The following PTPRM variants were observed in gnomAD, a reference collection of about 807,000 sequenced individuals.
PTPRM encodes the protein protein tyrosine phosphatase receptor type M.
Under a neutral mutation model 186.7 loss-of-function variants are expected in PTPRM, and 47 were observed. The ratio of observed to expected loss-of-function variants is 0.25; its 90% CI spans 0.20 to 0.32. The LOEUF (loss-of-function observed/expected upper bound fraction) is 0.32, where lower values mean the gene tolerates loss of function less well. Among genes scored for constraint, PTPRM ranks in the 10% least tolerant of loss-of-function variants. The pLI is 1.00. For missense variants in PTPRM, 1,494 were observed against 1,865.0 expected (o/e 0.80, Z 3.66); for synonymous variants, 668 against 674.9 (o/e 0.99, Z 0.16).
At chr18:8,005,683 C>G (rs1021269618) in intron 7 of PTPRM, among the ~76,000 whole-genome samples, 1 of 152,126 alleles carries the variant, frequency 6.6e-6, no homozygotes, top group African/African-American at 2.4e-5. Flanking sequence ...CAGGGGTGAC[C>G]TCCCCTGTCC....
At chr18:8,048,082 T>C (rs756609632) in intron 7 of PTPRM, among the ~76,000 whole-genome samples, 30 of 152,138 alleles carry the variant, frequency 2.0e-4, no homozygotes, top group Non-Finnish European at 3.5e-4. Flanking sequence ...AATCAGCAAA[T>C]TGAGCTTACT....
At chr18:7,795,409 T>G (rs1234514063) in intron 2 of PTPRM, among the ~76,000 whole-genome samples, 1 of 152,140 alleles carries the variant, frequency 6.6e-6, no homozygotes. Context: ...CTCAGGGTTC[T>G]TCTCTTTCTT....
chr18:8,282,110 G>A (rs2094910225), intron 19 of PTPRM, among the ~76,000 whole-genome samples: 1 of 152,030 alleles, frequency 6.6e-6, no homozygotes, highest in African/African-American at 2.4e-5. Flanking sequence ...TAGAAAATGG[G>A]CAAAGACATG....
chr18:7,834,961 C>T (rs1813827286), intron 2 of PTPRM, among the ~76,000 whole-genome samples: 1 of 141,280 alleles, frequency 7.1e-6, no homozygotes, highest in Non-Finnish European at 1.5e-5. Flanking sequence ...GTAATGTCTC[C>T]TTTTTCATGT....
chr18:7,672,458 A>G (rs1340861970), intron 1 of PTPRM, among the ~76,000 whole-genome samples: 1 of 152,204 alleles, frequency 6.6e-6, no homozygotes, highest in Non-Finnish European at 1.5e-5. Flanking sequence ...GGTTTTACTC[A>G]ATTTTTATAC....
At chr18:7,938,866 A>G (rs1346145507) in intron 5 of PTPRM, among the ~76,000 whole-genome samples, 1 of 152,210 alleles carries the variant, frequency 6.6e-6, no homozygotes. Context: ...TAGCCAACTT[A>G]ACGTGTGCTT....
chr18:8,268,859 T>C (rs1284660957), intron 19 of PTPRM, among the ~76,000 whole-genome samples: 7 of 152,028 alleles, frequency 4.6e-5, no homozygotes, highest in Admixed American at 3.9e-4. Context: ...AAAAGGCATT[T>C]CTCAAAATTC....
chr18:7,729,529 A>C (rs2040614925), intron 1 of PTPRM, among the ~76,000 whole-genome samples: 1 of 131,230 alleles, frequency 7.6e-6, no homozygotes. Flanking sequence ...AATAAGGCTG[A>C]AAAAAAAACA....
At chr18:8,127,419 T>TTTG (rs2092397412) in intron 13 of PTPRM, among the ~76,000 whole-genome samples, 1 of 10,510 alleles carries the variant, frequency 9.5e-5, no homozygotes, top group Non-Finnish European at 3.6e-4. Context: ...AGCTGTATTG[T>TTTG]TTTTTTTTTT....
At chr18:7,764,810 A>G (rs1226312515) in intron 1 of PTPRM, among the ~76,000 whole-genome samples, 1 of 152,228 alleles carries the variant, frequency 6.6e-6, no homozygotes, top group East Asian at 1.9e-4. Flanking sequence ...TCTCCCTGAG[A>G]CATTTCTGGC....
chr18:7,771,593 T>G (rs542660393), intron 1 of PTPRM, among the ~76,000 whole-genome samples: 1 of 152,336 alleles, frequency 6.6e-6, no homozygotes, highest in East Asian at 1.9e-4. Context: ...ATGGAGTGTT[T>G]AGTTGAAACA....
intron 7 of PTPRM, among the ~76,000 whole-genome samples, chr18:8,038,601 A>G (rs2148137417): frequency 6.6e-6 from 1 of 152,284 alleles, no homozygotes; most frequent in East Asian, 1.9e-4. Context: ...CTTGTTGGCC[A>G]GGCTCATCTC....
intron 4 of PTPRM, among the ~76,000 whole-genome samples, chr18:7,915,030 T>A (rs2050474987): frequency 6.6e-6 from 1 of 152,128 alleles, no homozygotes; most frequent in African/African-American, 2.4e-5. Context: ...CTGATTTTGT[T>A]GCTAGTATTT....
chr18:8,184,547 G>A (rs2093618291), intron 14 of PTPRM, among the ~76,000 whole-genome samples: 1 of 152,114 alleles, frequency 6.6e-6, no homozygotes, highest in Admixed American at 6.5e-5. Flanking sequence ...CATATCATAG[G>A]CTGAAACATA....
chr18:7,603,869 C>T (rs2037466434), intron 1 of PTPRM, among the ~76,000 whole-genome samples: 1 of 152,180 alleles, frequency 6.6e-6, no homozygotes, highest in Non-Finnish European at 1.5e-5. Flanking sequence ...GGGCCAGGAT[C>T]AATTTTCAGT....
At chr18:7,868,369 A>G (rs1342610153) in intron 2 of PTPRM, among the ~76,000 whole-genome samples, 1 of 151,942 alleles carries the variant, frequency 6.6e-6, no homozygotes, top group Non-Finnish European at 1.5e-5. Flanking sequence ...TGGCCTTTGT[A>G]TGGGTTTTTG....
At chr18:8,340,085 T>C (rs2095465664) in intron 22 of PTPRM, among the ~76,000 whole-genome samples, 2 of 152,116 alleles carry the variant, frequency 1.3e-5, no homozygotes, top group South Asian at 4.1e-4. Context: ...GCAATTTTAC[T>C]GTAGAGCCAC....
intron 23 of PTPRM, among the ~76,000 whole-genome samples, chr18:8,352,651 TG>T (rs2095540897): frequency 4.5e-4 from 36 of 79,312 alleles, no homozygotes; most frequent in East Asian, 8.6e-4. Flanking sequence ...TTTTTTGGTT[TG>T]GTTTTTTTTG....
At chr18:7,911,523 T>G (rs1470829838) in intron 4 of PTPRM, among the ~76,000 whole-genome samples, 1 of 152,240 alleles carries the variant, frequency 6.6e-6, no homozygotes, top group African/African-American at 2.4e-5. Flanking sequence ...TATGTATGTT[T>G]GGGAGAAATG....
Sources: allele counts gnomAD v4.1 joint callset (sites outside exome capture counted in the v4.1 genomes callset), GRCh38; gene constraint gnomAD v4.1.1; transcripts MANE v1.5; gene names NCBI Gene and HGNC (gene_info 2026-07-23, HGNC 2026-07-21).